CAMK1D: variants seen among roughly 807,000 people sequenced by gnomAD.
The protein encoded by CAMK1D is calcium/calmodulin-dependent protein kinase type 1D.
Under a neutral mutation model 47.7 loss-of-function variants are expected in CAMK1D, and 9 were observed. The observed-to-expected ratio is 0.19, with a 90% CI of 0.11 to 0.33. The LOEUF is 0.33. CAMK1D is among the 10% of genes least tolerant of loss of function. CAMK1D has a pLI of 1.00. For missense variants in CAMK1D, 291 were observed against 488.7 expected, an observed-to-expected ratio of 0.60 and a Z score of 3.81; for synonymous variants, 184 against 184.9, an observed-to-expected ratio of 0.99 and a Z score of 0.04.
chr10:12,746,437 G>C (rs574492478), intron 3 of CAMK1D, among the ~76,000 whole-genome samples: 1 of 151,770 alleles, frequency 6.6e-6, no homozygotes, highest in East Asian at 1.9e-4. Flanking sequence ...AAGCTTGCCA[G>C]AAATTGGGAG....
chr10:12,645,226 A>G (rs1839780309), intron 2 of CAMK1D, among the ~76,000 whole-genome samples: 1 of 152,190 alleles, frequency 6.6e-6, no homozygotes, highest in Non-Finnish European at 1.5e-5. Flanking sequence ...ATTTTTGGTC[A>G]GGACTAATAA....
intron 1 of CAMK1D, among the ~76,000 whole-genome samples, chr10:12,550,626 G>A (rs898378893): frequency 5.3e-5 from 8 of 152,220 alleles, no homozygotes; most frequent in African/African-American, 1.2e-4. Flanking sequence ...GGGTCTTTAT[G>A]TGTTTATATT....
chr10:12,734,347 T>A (rs11599863), intron 3 of CAMK1D, among the ~76,000 whole-genome samples: 437 of 5,748 alleles, frequency 0.076, 45 homozygotes, highest in African/African-American at 0.14. Context: ...AAAAAAAAAA[T>A]ATATATATAT....
chr10:12,662,801 C>T (rs1840313457), intron 2 of CAMK1D, among the ~76,000 whole-genome samples: 1 of 152,154 alleles, frequency 6.6e-6, no homozygotes, highest in Non-Finnish European at 1.5e-5. Flanking sequence ...AGTCAAAAAT[C>T]CCTCCCTACC....
At chr10:12,450,012 C>T (rs2244771) in intron 1 of CAMK1D, among the ~76,000 whole-genome samples, 1,583 of 148,896 alleles carry the variant, frequency 0.011, 29 homozygotes, top group African/African-American at 0.037. Context: ...AAAATACACA[C>T]GTATATAAAA....
intron 3 of CAMK1D, among the ~76,000 whole-genome samples, chr10:12,753,011 T>C (rs1408926689): frequency 1.3e-5 from 2 of 152,290 alleles, no homozygotes; most frequent in Non-Finnish European, 2.9e-5. Context: ...TTTGGGAGGC[T>C]GAGGCAGGTG....
At chr10:12,452,468 ATTAT>A (rs959380673) in intron 1 of CAMK1D, among the ~76,000 whole-genome samples, 3 of 151,674 alleles carry the variant, frequency 2.0e-5, no homozygotes, top group Non-Finnish European at 2.9e-5. Flanking sequence ...ATACAGTACA[ATTAT>A]TTATAATGTA....
At chr10:12,741,030 T>C (rs187248206) in intron 3 of CAMK1D, among the ~76,000 whole-genome samples, 59 of 152,352 alleles carry the variant, frequency 3.9e-4, no homozygotes, top group Admixed American at 2.2e-3. Context: ...ATCATCCTTT[T>C]GATGGAAGAG....
intron 3 of CAMK1D, 131 bp from the exon 4 acceptor site, chr10:12,760,817 A>AG: frequency 2.2e-6 from 2 of 926,964 alleles, no homozygotes; most frequent in Non-Finnish European, 1.7e-6. Flanking sequence ...TCTGAGGAAT[A>AG]GGGGGGCAAC....
At chr10:12,422,043 A>G (rs978381131) in intron 1 of CAMK1D, among the ~76,000 whole-genome samples, 1 of 152,120 alleles carries the variant, frequency 6.6e-6, no homozygotes, top group Non-Finnish European at 1.5e-5. Flanking sequence ...TCCCGATCTC[A>G]GGTGATCCGC....
intron 1 of CAMK1D, among the ~76,000 whole-genome samples, chr10:12,464,106 C>T (rs1181971358): frequency 1.3e-5 from 2 of 152,170 alleles, no homozygotes; most frequent in Admixed American, 6.6e-5. Flanking sequence ...CGGACTAATA[C>T]ACCCCTGCTT....
At chr10:12,722,471 A>AAAG (rs1834436350) in intron 3 of CAMK1D, among the ~76,000 whole-genome samples, 1 of 150,436 alleles carries the variant, frequency 6.6e-6, no homozygotes, top group Non-Finnish European at 1.5e-5. Context: ...AAAAAAAAAA[A>AAAG]AAAAGATAAC....
intron 2 of CAMK1D, among the ~76,000 whole-genome samples, chr10:12,647,854 T>C (rs771014235): frequency 6.6e-6 from 1 of 152,174 alleles, no homozygotes; most frequent in Non-Finnish European, 1.5e-5. Context: ...CTGGGGCCCA[T>C]ATGGACTGCT....
At chr10:12,779,127 G>A (rs573279306) in intron 5 of CAMK1D, among the ~76,000 whole-genome samples, 1 of 152,180 alleles carries the variant, frequency 6.6e-6, no homozygotes, top group Non-Finnish European at 1.5e-5. Context: ...GAGAAACGAT[G>A]GGCCCATCTG....
chr10:12,732,758 C>T (rs1013577778), intron 3 of CAMK1D, among the ~76,000 whole-genome samples: 2 of 137,340 alleles, frequency 1.5e-5, no homozygotes, highest in African/African-American at 5.5e-5. Context: ...CACAGCCAAA[C>T]CCTATCAATC....
chr10:12,816,320 G>A lies in CAMK1D; in HGVS notation c.825G>A (p.Arg275=). The A allele has an allele frequency of 6.2e-7, 1 of 1,612,860 alleles. No individual in the cohort carries two copies. The highest frequency in any genetic ancestry group is 8.5e-7 in the Non-Finnish European group (1 of 1,179,364). The change falls in exon 8 of 11, where the codon CGG becomes CGA. Residue 275 remains arginine, a synonymous_variant. Coordinates refer to ENST00000619168, the MANE Select transcript of CAMK1D (RefSeq NM_153498.4). ...NKRYTCEQAA[R]HPWIAGDTAL... is the part of the protein sequence containing the mutation. ...GATACACGTGTGAGCAGGCAGCTCG[G>A]CACCCATGGTAAGGAAATGCACCCG...
At chr10:12,563,437 G>C (rs577203729) in intron 2 of CAMK1D, among the ~76,000 whole-genome samples, 2 of 152,138 alleles carry the variant, frequency 1.3e-5, no homozygotes, top group African/African-American at 2.4e-5. Flanking sequence ...GAACATACCC[G>C]CTTACACGGG....
intron 1 of CAMK1D, among the ~76,000 whole-genome samples, chr10:12,453,605 T>A (rs879582064): frequency 1.3e-5 from 2 of 152,248 alleles, no homozygotes; most frequent in African/African-American, 4.8e-5. Context: ...TTGTGAATCA[T>A]GCTGCTAGGA....
intron 6 of CAMK1D, among the ~76,000 whole-genome samples, chr10:12,803,007 T>C (rs1838554861): frequency 6.6e-6 from 1 of 152,252 alleles, no homozygotes; most frequent in Admixed American, 6.5e-5. Flanking sequence ...ATGACCTGGC[T>C]CTGGAGTTGG....
Sources: gnomAD v4.1 joint callset for allele counts (sites outside exome capture counted in the v4.1 genomes callset) on GRCh38, gnomAD v4.1.1 for gene constraint, MANE v1.5 for transcripts, NCBI Gene and HGNC (gene_info 2026-07-23, HGNC 2026-07-21) for gene names.